The following CPNE8 variants were observed in gnomAD, a reference collection of about 807,000 sequenced individuals.
CPNE8 encodes the protein copine 8, also known as copine-8.
In CPNE8, 45 loss-of-function variants were observed where a neutral mutation model predicts 81.5. The ratio of observed to expected loss-of-function variants is 0.55; its 90% CI spans 0.44 to 0.71. CPNE8 has a LOEUF of 0.71. Among genes scored for constraint, CPNE8 ranks in the 30% least tolerant of loss-of-function variants. The probability of loss-of-function intolerance (pLI) is 0.00; values close to 1 mark genes in which losing one functional copy is unlikely to be tolerated. For synonymous variants in CPNE8, 252 were observed against 226.3 expected, an observed-to-expected ratio of 1.11 and a Z score of -1.02; for missense variants, 594 against 672.1, an observed-to-expected ratio of 0.88 and a Z score of 1.28.
chr12:38,693,252 T>C (rs139189786), intron 15 of CPNE8, among the ~76,000 whole-genome samples: 57 of 152,228 alleles, frequency 3.7e-4, no homozygotes, highest in Admixed American at 2.1e-3. Flanking sequence ...CAGGCATCTC[T>C]AGCCATTCAA....
chr12:38,757,907 C>T (rs1294834638), intron 10 of CPNE8, among the ~76,000 whole-genome samples: 1 of 151,958 alleles, frequency 6.6e-6, no homozygotes, highest in East Asian at 1.9e-4. Flanking sequence ...CCCTAGACTT[C>T]TTTTGAACAT....
intron 6 of CPNE8, among the ~76,000 whole-genome samples, chr12:38,809,502 A>G (rs1446201335): frequency 6.6e-6 from 1 of 152,214 alleles, no homozygotes; most frequent in Non-Finnish European, 1.5e-5. Flanking sequence ...AATTTTAGTT[A>G]CATCTGCAAA....
intron 6 of CPNE8, among the ~76,000 whole-genome samples, chr12:38,823,162 G>T (rs755224044): frequency 6.6e-6 from 1 of 152,104 alleles, no homozygotes; most frequent in Non-Finnish European, 1.5e-5. Context: ...AGCCAACCCT[G>T]TAAGTCTCTG....
intron 4 of CPNE8, 27 bp from the exon 5 acceptor site, chr12:38,839,982 A>G: frequency 6.4e-7 from 1 of 1,555,464 alleles, no homozygotes. Flanking sequence ...TAAAACTCAA[A>G]TTATTTCCAC....
intron 10 of CPNE8, among the ~76,000 whole-genome samples, chr12:38,744,384 A>C (rs946846459): frequency 6.6e-6 from 1 of 152,210 alleles, no homozygotes; most frequent in Admixed American, 6.5e-5. Context: ...TAGAATTTTA[A>C]ATTCACCCAT....
intron 19 of CPNE8, 73 bp from the exon 20 acceptor site, chr12:38,654,143 A>G: frequency 1.4e-6 from 2 of 1,475,438 alleles, no homozygotes; most frequent in Non-Finnish European, 9.0e-7. Flanking sequence ...AAATCAACAC[A>G]TGTACACATT....
chr12:38,729,664 T>C (rs1722448639), intron 11 of CPNE8, among the ~76,000 whole-genome samples: 1 of 152,026 alleles, frequency 6.6e-6, no homozygotes, highest in South Asian at 2.1e-4. Context: ...TCCTTTGGTA[T>C]CCACATACGT....
chr12:38,667,875 G>A (rs998825541), intron 19 of CPNE8, among the ~76,000 whole-genome samples: 2 of 151,730 alleles, frequency 1.3e-5, no homozygotes, highest in Admixed American at 6.6e-5. Context: ...TCGGCTCACC[G>A]CAATCTCCAC....
intron 6 of CPNE8, among the ~76,000 whole-genome samples, chr12:38,787,842 A>G (rs1942231033): frequency 6.6e-6 from 1 of 151,780 alleles, no homozygotes; most frequent in Non-Finnish European, 1.5e-5. Flanking sequence ...TAAGAAATCT[A>G]CAAGAAATGA....
chr12:38,812,640 C>T (rs1014574916), intron 6 of CPNE8, among the ~76,000 whole-genome samples: 4 of 152,108 alleles, frequency 2.6e-5, no homozygotes, highest in African/African-American at 9.7e-5. Flanking sequence ...GGGGACATGG[C>T]CAAACCATAT....
At chr12:38,838,577 G>T (rs1943421302) in intron 5 of CPNE8, among the ~76,000 whole-genome samples, 1 of 152,080 alleles carries the variant, frequency 6.6e-6, no homozygotes, top group Non-Finnish European at 1.5e-5. Context: ...CCAATATAAA[G>T]CTATGCAAAT....
intron 18 of CPNE8, 30 bp from the exon 19 acceptor site, chr12:38,670,832 G>C: frequency 6.6e-7 from 1 of 1,509,870 alleles, no homozygotes; most frequent in African/African-American, 1.4e-5. Flanking sequence ...CATTTATTCA[G>C]TACATTTTAG....
At chr12:38,865,689 T>A (rs1943903383) in intron 3 of CPNE8, among the ~76,000 whole-genome samples, 1 of 152,202 alleles carries the variant, frequency 6.6e-6, no homozygotes, top group Non-Finnish European at 1.5e-5. Flanking sequence ...CCTGGGTGTG[T>A]TTACTTCTAA....
chr12:38,854,645 G>A (rs575907414), intron 3 of CPNE8, among the ~76,000 whole-genome samples: 9 of 152,046 alleles, frequency 5.9e-5, no homozygotes, highest in South Asian at 2.1e-4. Flanking sequence ...GATACAGTAC[G>A]TTAACAGAAC....
chr12:38,783,614 T>C (rs1365132971), intron 6 of CPNE8, among the ~76,000 whole-genome samples: 1 of 152,176 alleles, frequency 6.6e-6, no homozygotes, highest in East Asian at 1.9e-4. Context: ...CTAGTGATGA[T>C]AGCCAAAGAC....
At chr12:38,822,893 T>C (rs1943128649) in intron 6 of CPNE8, among the ~76,000 whole-genome samples, 2 of 152,166 alleles carry the variant, frequency 1.3e-5, no homozygotes, top group South Asian at 2.1e-4. Flanking sequence ...TTAGAGAGCA[T>C]AACAATATCA....
At chr12:38,708,509 G>A (rs1307431164) in intron 13 of CPNE8, among the ~76,000 whole-genome samples, 2 of 152,168 alleles carry the variant, frequency 1.3e-5, no homozygotes, top group African/African-American at 2.4e-5. Flanking sequence ...AAGCAGAAAA[G>A]ACAGAAGGAT....
chr12:38,663,767 A>G (rs1223089987), intron 19 of CPNE8, among the ~76,000 whole-genome samples: 3 of 152,178 alleles, frequency 2.0e-5, no homozygotes, highest in African/African-American at 7.2e-5. Context: ...AGTGTAGCAT[A>G]TGCACACAAT....
At chr12:38,856,884 T>TA (rs1943746802) in intron 3 of CPNE8, among the ~76,000 whole-genome samples, 1 of 152,098 alleles carries the variant, frequency 6.6e-6, no homozygotes, top group African/African-American at 2.4e-5. Context: ...TATCTTTATT[T>TA]AAAACTTTAG....
Sources: gnomAD v4.1 joint callset for allele counts (sites outside exome capture counted in the v4.1 genomes callset) on GRCh38, gnomAD v4.1.1 for gene constraint, MANE v1.5 for transcripts, NCBI Gene and HGNC (gene_info 2026-07-23, HGNC 2026-07-21) for gene names.